The following MDGA2 variants were observed in gnomAD, a reference collection of about 807,000 sequenced individuals.
MDGA2 encodes MAM domain-containing glycosylphosphatidylinositol anchor protein 2.
MDGA2 carries 40 observed loss-of-function variants against 117.8 expected under a neutral mutation model. The observed-to-expected ratio is 0.34, with a 90% CI of 0.26 to 0.44. The LOEUF (loss-of-function observed/expected upper bound fraction) is 0.44, where lower values mean the gene tolerates loss of function less well. Ranked by LOEUF, MDGA2 falls within the 20% of genes least tolerant of loss-of-function variation. The pLI is 1.00. For missense variants in MDGA2, 1,123 were observed against 1,250.6 expected (o/e 0.90, Z 1.54); for synonymous variants, 452 against 439.0 (o/e 1.03, Z -0.37).
intron 1 of MDGA2, among the ~76,000 whole-genome samples, chr14:47,367,521 G>T (rs372555225): frequency 6.6e-6 from 1 of 152,046 alleles, no homozygotes; most frequent in Non-Finnish European, 1.5e-5. Flanking sequence ...ATACTGTTTC[G>T]CAGGTAACCA....
chr14:47,471,307 A>T (rs188498314), intron 1 of MDGA2, among the ~76,000 whole-genome samples: 2,240 of 151,394 alleles, frequency 0.015, 27 homozygotes, highest in Middle Eastern at 0.024. Flanking sequence ...ATTTTTGCAC[A>T]GTCTATGCTA....
intron 5 of MDGA2, among the ~76,000 whole-genome samples, chr14:47,103,254 G>T (rs1044043861): frequency 1.3e-5 from 2 of 152,044 alleles, no homozygotes; most frequent in Non-Finnish European, 2.9e-5. Context: ...TATTTCTCTT[G>T]GAAGAACTAG....
At chr14:47,643,899 C>T (rs964923486) in intron 1 of MDGA2, among the ~76,000 whole-genome samples, 6 of 152,020 alleles carry the variant, frequency 3.9e-5, no homozygotes, top group Non-Finnish European at 7.4e-5. Context: ...ACAGTAAAAG[C>T]TAAAAGCTCA....
intron 1 of MDGA2, among the ~76,000 whole-genome samples, chr14:47,578,615 T>C (rs764541778): frequency 2.6e-5 from 4 of 152,166 alleles, no homozygotes; most frequent in Non-Finnish European, 4.4e-5. Flanking sequence ...TAATTGTCTT[T>C]CTTCTCAAAT....
intron 1 of MDGA2, among the ~76,000 whole-genome samples, chr14:47,412,187 A>AAAAC (rs935054507): frequency 1.1e-4 from 16 of 152,210 alleles, no homozygotes; most frequent in South Asian, 8.3e-4. Context: ...TGTGAGGCAA[A>AAAAC]AAACAAACAA....
At chr14:47,094,493 T>C (rs963894857) in intron 6 of MDGA2, among the ~76,000 whole-genome samples, 12 of 152,054 alleles carry the variant, frequency 7.9e-5, no homozygotes, top group African/African-American at 2.9e-4. Flanking sequence ...ATATTTTATA[T>C]TGGACATTTT....
rs1035041095 is a variant in MDGA2 at position 47,076,260 on chromosome 14, A to C, written c.1196-14682T>G. Among the ~76,000 whole-genome samples the C allele has an allele frequency of 9.5e-4, 144 of 152,114 alleles. 1 individual carries two copies. The highest frequency in any genetic ancestry group is 1.2e-3 in the Non-Finnish European group (83 of 67,966). Reference sequence around the variant, plus strand: ...CCAAAAAACATGCAGAGGAAAAAAAACTTAATACTCTTTAACATTAACTTT... The same window carrying C: ...CCAAAAAACATGCAGAGGAAAAAAACCTTAATACTCTTTAACATTAACTTT... On this transcript the variant is annotated intron_variant, in intron 6 of 16. Coordinates refer to ENST00000399232, the MANE Select transcript of MDGA2 (RefSeq NM_001113498.3).
chr14:46,947,532 G>T (rs533705452), intron 9 of MDGA2, among the ~76,000 whole-genome samples: 1 of 152,070 alleles, frequency 6.6e-6, no homozygotes, highest in South Asian at 2.1e-4. Context: ...GAGGGATCTG[G>T]TGGGAGGTAA....
intron 8 of MDGA2, among the ~76,000 whole-genome samples, chr14:46,977,596 G>A (rs920928492): frequency 2.3e-4 from 35 of 151,878 alleles, no homozygotes; most frequent in Non-Finnish European, 5.0e-4. Flanking sequence ...GCACCAGGAA[G>A]TCTATTATAA....
At chr14:47,523,814 C>T (rs1894919239) in intron 1 of MDGA2, among the ~76,000 whole-genome samples, 2 of 152,172 alleles carry the variant, frequency 1.3e-5, no homozygotes, top group South Asian at 4.1e-4. Flanking sequence ...TTAGAAGCTG[C>T]TTTTGCCTTA....
intron 8 of MDGA2, among the ~76,000 whole-genome samples, chr14:46,966,217 A>C (rs1193880852): frequency 6.6e-6 from 1 of 152,216 alleles, no homozygotes; most frequent in Non-Finnish European, 1.5e-5. Flanking sequence ...AGACGAACAG[A>C]AAAATTAAGC....
At chr14:47,328,626 G>A (rs1444488145) in intron 1 of MDGA2, among the ~76,000 whole-genome samples, 1 of 152,108 alleles carries the variant, frequency 6.6e-6, no homozygotes, top group Non-Finnish European at 1.5e-5. Context: ...CTGTGTCCCT[G>A]TGTACATATC....
chr14:46,983,050 A>G (rs1355627941), intron 8 of MDGA2, among the ~76,000 whole-genome samples: 1 of 152,162 alleles, frequency 6.6e-6, no homozygotes, highest in Non-Finnish European at 1.5e-5. Context: ...CCTTTTCTGC[A>G]TCTATTGAGA....
At chr14:47,238,297 A>G (rs1245572010) in intron 2 of MDGA2, among the ~76,000 whole-genome samples, 3 of 152,196 alleles carry the variant, frequency 2.0e-5, no homozygotes, top group African/African-American at 7.2e-5. Flanking sequence ...TTCCCTAAAA[A>G]ATATAACTTT....
At chr14:47,567,079 T>A (rs907398590) in intron 1 of MDGA2, among the ~76,000 whole-genome samples, 1 of 151,936 alleles carries the variant, frequency 6.6e-6, no homozygotes, top group Admixed American at 6.6e-5. Context: ...TATCTTTTTT[T>A]AATTTTTGTA....
At chr14:46,920,278 A>G (rs1348712509) in intron 9 of MDGA2, 118 bp from the exon 10 acceptor site, 1 of 988,872 alleles carries the variant, frequency 1.0e-6, no homozygotes, top group Non-Finnish European at 1.4e-6. Context: ...TATAAAATCC[A>G]ATCAATTTTC....
chr14:47,168,013 C>T (rs1185516615), intron 3 of MDGA2, among the ~76,000 whole-genome samples: 1 of 152,056 alleles, frequency 6.6e-6, no homozygotes, highest in Non-Finnish European at 1.5e-5. Flanking sequence ...GGATAAATAT[C>T]TCTATTTCCC....
chr14:46,995,475 A>C (rs916744162), intron 8 of MDGA2, among the ~76,000 whole-genome samples: 1 of 152,176 alleles, frequency 6.6e-6, no homozygotes, highest in Admixed American at 6.6e-5. Flanking sequence ...CATTTTAGGA[A>C]GTTAATGAAT....
At chr14:47,662,197 A>G (rs944341337) in intron 1 of MDGA2, among the ~76,000 whole-genome samples, 2 of 152,162 alleles carry the variant, frequency 1.3e-5, no homozygotes, top group Non-Finnish European at 2.9e-5. Flanking sequence ...TGGGAAAAGC[A>G]CCCAGTTTCT....
Sources: gnomAD v4.1 joint callset for allele counts (sites outside exome capture counted in the v4.1 genomes callset) on GRCh38, gnomAD v4.1.1 for gene constraint, MANE v1.5 for transcripts, NCBI Gene and HGNC (gene_info 2026-07-23, HGNC 2026-07-21) for gene names.